The following TPSG1 variants were observed in gnomAD, a reference collection of about 807,000 sequenced individuals.
TPSG1 encodes tryptase gamma 1.
In TPSG1, 43 loss-of-function variants were observed where a neutral mutation model predicts 23.8. The ratio of observed to expected loss-of-function variants is 1.81; its 90% CI spans 1.42 to 2.33. The LOEUF is 2.33. TPSG1 is among the 30% of genes most tolerant of loss of function. The pLI is 0.00. For synonymous variants in TPSG1, 302 were observed against 201.3 expected (o/e 1.50, Z -4.23); for missense variants, 623 against 438.6 (o/e 1.42, Z -3.75).
intron 1 of TPSG1, 69 bp downstream of exon 1, chr16:1,225,138 C>CAGA (rs1814200689): frequency 5.3e-6 from 8 of 1,519,144 alleles, no homozygotes; most frequent in African/African-American, 1.4e-5. Flanking sequence ...CCCCCAGTTT[C>CAGA]ACCCCCATCA....
At position 1,223,763 on chromosome 16, in the gene TPSG1, C is replaced by T. The variant is rs142955240; in HGVS notation, c.74-169G>A. The T allele has an allele frequency of 7.9e-4, 627 of 793,464 alleles. 5 individuals carry two copies. The African/African-American group carries it at 0.01, about 13-fold the overall frequency. The allele number at this position is 793,464 out of a possible 1,614,324, so 49.2% of individuals were successfully genotyped here. ...AGCATCGTGGGTGCAGCAGAAATGA[C>T]GTCTCAGGAGCAGTGAGCGCGCCTG... is the stretch of plus-strand genomic sequence containing the variant. On this transcript the variant is annotated intron_variant, in intron 2 of 5. Transcript: ENST00000234798.
In TPSG1 at chr16:1,223,428, G is replaced by A; in HGVS notation, c.240C>T (p.Phe80=). ...CTGCCCACCCGGACACTCACCCGGA[G>A]AAGCAGTGGGCAGCTGTGAGCACCC... The part of the protein sequence containing the change: ...PQWVLTAAHC[F]SGSLNSSDYQ... Residue 80 remains phenylalanine (F), a synonymous_variant, in exon 3 of 6, where the codon TTC becomes TTT. Coordinates refer to ENST00000234798, the MANE Select transcript of TPSG1 (RefSeq NM_012467.4). 6.3e-7 allele frequency: 1 copy of A among 1,584,422 alleles called. No individual in the cohort carries two copies. The highest frequency in any genetic ancestry group is 8.6e-7 in the Non-Finnish European group (1 of 1,167,614).
intron 1 of TPSG1, among the ~76,000 whole-genome samples, 175 bp downstream of exon 1, chr16:1,225,032 G>A (rs185517700): frequency 2.7e-5 from 4 of 148,312 alleles, no homozygotes; most frequent in Admixed American, 1.3e-4. Context: ...TCCCCAGCAC[G>A]GACAGCTGGG....
chr16:1,225,098 G>T (rs2030076491), intron 1 of TPSG1, 109 bp downstream of exon 1: 5 of 1,382,338 alleles, frequency 3.6e-6, no homozygotes, highest in Admixed American at 4.6e-5. Flanking sequence ...ACAGGGTGGG[G>T]ACTCAGCATG....
rs149989823 is a variant in TPSG1 at position 1,221,987 on chromosome 16, G to T, written c.767C>A (p.Thr256Asn). The T allele has an allele frequency of 1.2e-6, 2 of 1,612,560 alleles. No individual in the cohort carries two copies. The highest frequency in any genetic ancestry group is 1.7e-6 in the Non-Finnish European group (2 of 1,179,936). ...CCAGTTCACGTAGGCAGGGACACGA[G>T]TGTAGACTCCCGGCCTGTTGGGGCG... ...CGRPNRPGVYTRVPAYVNWIR... is the reference protein window; with the variant it reads ...CGRPNRPGVYNRVPAYVNWIR... Residue 256 changes from threonine to asparagine, a missense_variant, in exon 6 of 6, where the codon ACT becomes AAT. Physicochemically the swap from Thr to Asn is moderately conservative, Grantham distance 65 (BLOSUM62 0). Transcript: ENST00000234798.
Position 1,224,614 on chromosome 16 carries a change from T to G in TPSG1, c.61A>C (p.Thr21Pro). 1 of 1,613,550 alleles carries G rather than the reference T, an allele frequency of 6.2e-7. No individual in the cohort carries two copies. ...GTCAGAGACGTACCTGGCTGCAAAG[T>G]CCTGAGGGACACACCTGTGGGAAAG... ...LLAVPGVSLR[T>P]LQPGCGRPQV... Residue 21 changes from threonine to proline, a missense_variant, in exon 2 of 6, where the codon ACT becomes CCT. By Grantham distance (38) the Thr-to-Pro change is conservative. Transcript: ENST00000234798.
rs755836574 is a variant in TPSG1 at position 1,222,911 on chromosome 16, C to G, written c.252G>C (p.Leu84=). 1 of 1,598,030 alleles carries G rather than the reference C, an allele frequency of 6.3e-7. No homozygotes were observed. Among genetic ancestry groups the G allele is most frequent in the Non-Finnish European group, 8.5e-7 (1 of 1,170,408 alleles). Residue 84 remains leucine (L), a synonymous_variant, in exon 4 of 6, where the codon CTG becomes CTC. Coordinates refer to ENST00000234798, the MANE Select transcript of TPSG1 (RefSeq NM_012467.4). ...LTAAHCFSGS[L]NSSDYQVHLG... ...GGTGCACCTGGTAGTCGGATGAGTTCAGGGACCTGGGAGGGAAGGTGGCTG... is the reference window on the plus strand; with the variant it reads ...GGTGCACCTGGTAGTCGGATGAGTTGAGGGACCTGGGAGGGAAGGTGGCTG...
intron 2 of TPSG1, 101 bp from the exon 3 acceptor site, chr16:1,223,695 G>T: frequency 7.3e-7 from 1 of 1,377,418 alleles, no homozygotes; most frequent in Non-Finnish European, 9.7e-7. Flanking sequence ...CCTTCTTGGG[G>T]ACTTTGCTCT....
intron 3 of TPSG1, 35 bp from the exon 4 acceptor site, chr16:1,222,952 C>T (rs747615431): frequency 6.4e-7 from 1 of 1,566,520 alleles, no homozygotes; most frequent in African/African-American, 1.3e-5. Context: ...GAGGGGCCAG[C>T]TGCGGAGGCT....
rs773540247 is a variant in TPSG1 at position 1,222,060 on chromosome 16, C to T, written c.694G>A (p.Gly232Ser). The T allele has an allele frequency of 6.5e-5, 105 of 1,612,678 alleles. No individual in the cohort carries two copies. Among genetic ancestry groups the T allele is most frequent in the Non-Finnish European group, 8.2e-5 (97 of 1,180,004 alleles). ...SGGPLVCQVN[G>S]AWVQAGTVSW... Reference sequence around the variant, plus strand: ...ACAGTGCCAGCCTGCACCCAGGCACCGTTCACCTGGCAGACCAGAGGCCCC... The same window carrying T: ...ACAGTGCCAGCCTGCACCCAGGCACTGTTCACCTGGCAGACCAGAGGCCCC... Residue 232 changes from glycine to serine, a missense_variant, in exon 6 of 6, where the codon GGT (glycine) becomes AGT (serine). Transcript: ENST00000234798.
intron 4 of TPSG1, 36 bp from the exon 5 acceptor site, chr16:1,222,377 G>T: frequency 6.5e-7 from 1 of 1,547,374 alleles, no homozygotes; most frequent in South Asian, 1.2e-5. Context: ...AGAAGGTTGG[G>T]GCACCAGGCC....
At chr16:1,222,993 A>T in intron 3 of TPSG1, 76 bp from the exon 4 acceptor site, 1 of 1,461,364 alleles carries the variant, frequency 6.8e-7, no homozygotes, top group East Asian at 2.4e-5. Flanking sequence ...CCCAGACCCT[A>T]CCCTTGCAGG....
intron 4 of TPSG1, 85 bp from the exon 5 acceptor site, chr16:1,222,426 C>T (rs117170124): frequency 0.017 from 22,488 of 1,319,862 alleles, 233 homozygotes; most frequent in Non-Finnish European, 0.019. Flanking sequence ...AGACACAAGT[C>T]CCATGCCACC....
rs1236961914 is a variant in TPSG1, at chr16:1,222,473, G to GT, written c.512-133dup. On this transcript the variant is annotated intron_variant, in intron 4 of 5. Coordinates refer to ENST00000234798, the MANE Select transcript of TPSG1 (RefSeq NM_012467.4). ...CACGGCACGTGGGTTGTGATCTGACGTTTGGCTGCTGCTTTGGATCCACAC... is the reference window on the plus strand; with the variant it reads ...CACGGCACGTGGGTTGTGATCTGACGTTTTGGCTGCTGCTTTGGATCCACAC... The GT allele has an allele frequency of 3.2e-6, 4 of 1,238,584 alleles. No homozygotes were observed. In the Admixed American group the frequency reaches 6.9e-5, roughly 21 times the overall value. 76.7% of individuals were successfully genotyped at this position (1,238,584 alleles called of 1,614,324 possible).
At chr16:1,224,778 G>A in intron 1 of TPSG1, 150 bp from the exon 2 acceptor site, 3 of 915,136 alleles carry the variant, frequency 3.3e-6, no homozygotes, top group Non-Finnish European at 5.0e-6. Flanking sequence ...TGGGTCAACT[G>A]CTGTCTCACT....
intron 1 of TPSG1, 27 bp from the exon 2 acceptor site, chr16:1,224,655 T>C: frequency 6.2e-7 from 1 of 1,613,340 alleles, no homozygotes; most frequent in Non-Finnish European, 8.5e-7. Context: ...GGGCCCAGGA[T>C]GGAGGGGGCT....
In TPSG1 at chr16:1,221,878, G is replaced by A; in HGVS notation, c.876C>T (p.Gly292=). 2.5e-6 allele frequency: 4 copies of A among 1,611,980 alleles called. No individual in the cohort carries two copies. Among genetic ancestry groups the A allele is most frequent in the Non-Finnish European group, 3.4e-6 (4 of 1,179,520 alleles). The change falls in exon 6 of 6, where the codon GGC becomes GGT. Residue 292 remains glycine (G), a synonymous_variant. Transcript: ENST00000234798. ...LPLLAGFFLP[G]LFLLLVSCVL... ...CACAGGAGACTAGCAGAAGGAAGAGGCCGGGGAGGAAGAAGCCAGCCAGGA... is the reference window on the plus strand; with the variant it reads ...CACAGGAGACTAGCAGAAGGAAGAGACCGGGGAGGAAGAAGCCAGCCAGGA...
At chr16:1,223,747 G>A (rs1434643760) in intron 2 of TPSG1, 153 bp from the exon 3 acceptor site, 2 of 917,454 alleles carry the variant, frequency 2.2e-6, no homozygotes, top group Non-Finnish European at 3.2e-6. Context: ...AAGCATCGTG[G>A]GTGCAGCAGA....
At position 1,221,956 on chromosome 16, in the gene TPSG1, G is replaced by T. The variant is rs1238250287; in HGVS notation, c.798C>A (p.Arg266=). ...TRVPAYVNWI[R]RHITASGGSE... ...AGCCCCCTGATGCTGTGATGTGGCG[G>T]CGGATCCAGTTCACGTAGGCAGGGA... Residue 266 remains arginine, a synonymous_variant, in exon 6 of 6, where the codon CGC becomes CGA. Transcript: ENST00000234798. 4.3e-6 allele frequency: 7 copies of T among 1,612,026 alleles called. No individual in the cohort carries two copies. The highest frequency in any genetic ancestry group is 5.9e-6 in the Non-Finnish European group (7 of 1,179,516).
Sources: gnomAD v4.1 joint callset for allele counts (sites outside exome capture counted in the v4.1 genomes callset) on GRCh38, gnomAD v4.1.1 for gene constraint, MANE v1.5 for transcripts, NCBI Gene and HGNC (gene_info 2026-07-23, HGNC 2026-07-21) for gene names.